Variants in COP1 observed in about 807,000 individuals in gnomAD.
COP1 encodes E3 ubiquitin-protein ligase COP1.
In COP1, 24 loss-of-function variants were observed where a neutral mutation model predicts 101.3. That is an observed-to-expected ratio of 0.24 (90% CI 0.17 to 0.33). The LOEUF (loss-of-function observed/expected upper bound fraction) is 0.33. COP1 is among the 10% of genes least tolerant of loss of function. The probability of loss-of-function intolerance (pLI) is 1.00; values close to 1 mark genes in which losing one functional copy is unlikely to be tolerated. For synonymous variants in COP1, 347 were observed against 341.9 expected, an observed-to-expected ratio of 1.01 and a Z score of -0.17; for missense variants, 663 against 906.2, an observed-to-expected ratio of 0.73 and a Z score of 3.45.
chr1:175,987,017 G>A lies in COP1; in HGVS notation c.2059C>T (p.Leu687Phe). Reference sequence around the variant, plus strand: ...TCATCTTCTTTTCGGTCTTTGTCGAGAACACTTTTGACTGTATCAAACTTA... The same window carrying A: ...TCATCTTCTTTTCGGTCTTTGTCGAAAACACTTTTGACTGTATCAAACTTA... ...TFKFDTVKSVLDKDRKEDDTN... is the reference protein window; with the variant it reads ...TFKFDTVKSVFDKDRKEDDTN... The change falls in exon 18 of 20, where the codon CTC becomes TTC. Residue 687 changes from leucine to phenylalanine, a missense_variant. Leu to Phe is a conservative substitution (Grantham distance 22, BLOSUM62 0). Coordinates refer to ENST00000367669, the MANE Select transcript of COP1 (RefSeq NM_022457.7). 1 of 1,611,830 alleles carries A rather than the reference G, an allele frequency of 6.2e-7. No individual in the cohort carries two copies. Among genetic ancestry groups the A allele is most frequent in the South Asian group, 1.1e-5 (1 of 90,880 alleles).
chr1:175,983,440 A>G (rs965152085), intron 18 of COP1, among the ~76,000 whole-genome samples: 2 of 152,200 alleles, frequency 1.3e-5, no homozygotes, highest in Non-Finnish European at 2.9e-5. Flanking sequence ...TTCCGCCATG[A>G]TTGTGAAGCC....
Position 176,051,555 on chromosome 1 carries a change from C to T in COP1, c.1278-5231G>A, listed in dbSNP as rs144949272. Among the ~76,000 whole-genome samples the T allele has an allele frequency of 2.6e-3, 400 of 152,224 alleles. 3 individuals carry two copies. The highest frequency in any genetic ancestry group is 9.2e-3 in the African/African-American group (382 of 41,530). Reference sequence around the variant, plus strand: ...TTACTATACTATACATTTATCATTACTTTAGTGTATATCTTCTACTTATTT... The same window carrying T: ...TTACTATACTATACATTTATCATTATTTTAGTGTATATCTTCTACTTATTT... On this transcript the variant is annotated intron_variant, in intron 11 of 19. Transcript: ENST00000367669.
intron 10 of COP1, among the ~76,000 whole-genome samples, 182 bp from the exon 11 acceptor site, chr1:176,081,469 T>C (rs183500881): frequency 9.9e-5 from 15 of 152,204 alleles, no homozygotes; most frequent in African/African-American, 3.6e-4. Flanking sequence ...AAAAATGTCT[T>C]GGTTCTTTGA....
chr1:176,120,750 G>C (rs1184987420), intron 8 of COP1, among the ~76,000 whole-genome samples: 1 of 152,048 alleles, frequency 6.6e-6, no homozygotes, highest in Non-Finnish European at 1.5e-5. Context: ...CACATATGAG[G>C]TATACCATAA....
chr1:176,164,325 G>A (rs1221708033), intron 3 of COP1, among the ~76,000 whole-genome samples: 2 of 152,090 alleles, frequency 1.3e-5, no homozygotes, highest in African/African-American at 4.8e-5. Context: ...GACACTTTTA[G>A]CTAACTATCC....
At chr1:176,036,054 A>G (rs547768543) in intron 14 of COP1, among the ~76,000 whole-genome samples, 1 of 152,210 alleles carries the variant, frequency 6.6e-6, no homozygotes, top group Admixed American at 6.5e-5. Flanking sequence ...AGAATTTTAA[A>G]CAGAATGGAA....
intron 11 of COP1, among the ~76,000 whole-genome samples, chr1:176,066,827 T>C (rs749795597): frequency 6.6e-6 from 1 of 152,160 alleles, no homozygotes; most frequent in Non-Finnish European, 1.5e-5. Context: ...AAACTAGAGT[T>C]TCTCTATTAA....
intron 11 of COP1, among the ~76,000 whole-genome samples, chr1:176,068,743 GGA>G (rs1676459694): frequency 6.6e-6 from 1 of 152,210 alleles, no homozygotes; most frequent in African/African-American, 2.4e-5. Flanking sequence ...GATTTACAAA[GGA>G]CTTCTCTAGA....
At chr1:176,169,353 CTAAT>C (rs1695685265) in intron 3 of COP1, among the ~76,000 whole-genome samples, 1 of 151,946 alleles carries the variant, frequency 6.6e-6, no homozygotes, top group Non-Finnish European at 1.5e-5. Context: ...TATACTACTA[CTAAT>C]TAAATAACAA....
At chr1:176,067,756 G>A (rs1676256735) in intron 11 of COP1, among the ~76,000 whole-genome samples, 1 of 152,212 alleles carries the variant, frequency 6.6e-6, no homozygotes, top group South Asian at 2.1e-4. Context: ...ATAAGGCAGA[G>A]GGTCTGAGTT....
intron 8 of COP1, among the ~76,000 whole-genome samples, chr1:176,122,307 G>A (rs1687273288): frequency 6.6e-6 from 1 of 152,116 alleles, no homozygotes; most frequent in Non-Finnish European, 1.5e-5. Context: ...TGTGCTTGAT[G>A]GGAAAGTCCC....
intron 5 of COP1, among the ~76,000 whole-genome samples, chr1:176,149,876 A>G (rs1269617030): frequency 6.6e-6 from 1 of 152,140 alleles, no homozygotes; most frequent in African/African-American, 2.4e-5. Flanking sequence ...AACAAACATC[A>G]TTCTAATTTT....
At chr1:175,957,477 T>C (rs1571246530) in intron 18 of COP1, among the ~76,000 whole-genome samples, 2 of 152,350 alleles carry the variant, frequency 1.3e-5, no homozygotes, top group East Asian at 3.9e-4. Flanking sequence ...AGGTATGTAC[T>C]AGGCTATACC....
chr1:176,140,900 C>G (rs527282638), intron 6 of COP1, among the ~76,000 whole-genome samples: 38 of 152,246 alleles, frequency 2.5e-4, no homozygotes, highest in African/African-American at 8.7e-4. Context: ...AGCAAGCACT[C>G]TCTTAACACT....
chr1:176,151,255 G>T (rs1218691646), intron 5 of COP1, among the ~76,000 whole-genome samples: 1 of 144,708 alleles, frequency 6.9e-6, no homozygotes, highest in Non-Finnish European at 1.5e-5. Flanking sequence ...AAGAAAGAAA[G>T]AGAGAAAGAA....
At chr1:175,968,302 T>C in intron 18 of COP1, 1 of 319,430 alleles carries the variant, frequency 3.1e-6, no homozygotes. Flanking sequence ...GTAACTTTAC[T>C]TGGTTGCCCA....
At chr1:176,165,028 A>T (rs141342495) in intron 3 of COP1, among the ~76,000 whole-genome samples, 1 of 152,208 alleles carries the variant, frequency 6.6e-6, no homozygotes, top group South Asian at 2.1e-4. Flanking sequence ...ACTTCCCAGT[A>T]TATCACAATG....
At chr1:175,976,296 T>TTTG (rs1553284850) in intron 18 of COP1, among the ~76,000 whole-genome samples, 7 of 137,306 alleles carry the variant, frequency 5.1e-5, no homozygotes, top group Admixed American at 1.5e-4. Flanking sequence ...TTTTTTTTTT[T>TTTG]AGACAGAGTC....
intron 4 of COP1, among the ~76,000 whole-genome samples, chr1:176,163,379 GTTTTGT>G (rs1038128376): frequency 2.6e-5 from 4 of 152,146 alleles, no homozygotes; most frequent in Admixed American, 6.5e-5. Flanking sequence ...TCAAAGGTTT[GTTTTGT>G]TTTTGTTTTT....
Sources: gnomAD v4.1 joint callset for allele counts (sites outside exome capture counted in the v4.1 genomes callset) on GRCh38, gnomAD v4.1.1 for gene constraint, MANE v1.5 for transcripts, NCBI Gene and HGNC (gene_info 2026-07-23, HGNC 2026-07-21) for gene names.